Variants in BACH2 observed in about 807,000 individuals in gnomAD.
BACH2 encodes the protein transcription regulator protein BACH2.
In BACH2, 5 loss-of-function variants were observed where a neutral mutation model predicts 61.8. That is an observed-to-expected ratio of 0.08 (90% CI 0.04 to 0.17). BACH2 has a LOEUF of 0.17. BACH2 is among the 10% of genes least tolerant of loss of function. The pLI is 1.00. For missense variants in BACH2, 824 were observed against 1,091.1 expected, an observed-to-expected ratio of 0.76 and a Z score of 3.45; for synonymous variants, 446 against 440.1, an observed-to-expected ratio of 1.01 and a Z score of -0.17.
At chr6:90,194,375 T>G (rs772673456) in intron 4 of BACH2, among the ~76,000 whole-genome samples, 6 of 152,134 alleles carry the variant, frequency 3.9e-5, no homozygotes, top group Non-Finnish European at 5.9e-5. Context: ...CTATCTTCGG[T>G]AAGACTTAGA....
rs867275767 is a variant in BACH2 at position 90,017,169 on chromosome 6, G to A, written c.-12-8313C>T. On this transcript the variant is annotated intron_variant, in intron 5 of 8. Coordinates refer to ENST00000257749, the MANE Select transcript of BACH2 (RefSeq NM_021813.4). ...ATATTAGACCATCTGCATTTGTCCCGTCGCTCACAAATGCCCATTTTTTTT... is the reference window on the plus strand; with the variant it reads ...ATATTAGACCATCTGCATTTGTCCCATCGCTCACAAATGCCCATTTTTTTT... 7.2e-5 allele frequency among the ~76,000 whole-genome samples: 11 copies of A among 151,914 alleles called. No homozygotes were observed. The East Asian group carries it at 1.5e-3, about 21-fold the overall frequency.
At chr6:90,193,492 A>T (rs1768648732) in intron 4 of BACH2, among the ~76,000 whole-genome samples, 2 of 152,166 alleles carry the variant, frequency 1.3e-5, no homozygotes, top group South Asian at 4.1e-4. Context: ...TGACACCTTG[A>T]TCTTCGACTC....
intron 2 of BACH2, among the ~76,000 whole-genome samples, chr6:90,265,041 A>G (rs952574865): frequency 1.3e-5 from 2 of 152,342 alleles, no homozygotes; most frequent in Admixed American, 6.5e-5. Flanking sequence ...TATAGTCAGG[A>G]TATATTTGGT....
chr6:89,959,646 C>A (rs535079243), intron 6 of BACH2, among the ~76,000 whole-genome samples: 1 of 152,186 alleles, frequency 6.6e-6, no homozygotes, highest in Non-Finnish European at 1.5e-5. Flanking sequence ...AACTTAACTA[C>A]CTTAATACAA....
chr6:90,130,836 T>A (rs1189699854), intron 4 of BACH2, among the ~76,000 whole-genome samples: 2 of 152,290 alleles, frequency 1.3e-5, no homozygotes, highest in East Asian at 3.8e-4. Context: ...CTGGCCCTGT[T>A]TGTTGCTTTG....
chr6:90,026,693 C>T (rs971083995), intron 5 of BACH2, among the ~76,000 whole-genome samples: 7 of 152,128 alleles, frequency 4.6e-5, no homozygotes, highest in African/African-American at 1.4e-4. Context: ...GTTGCCTGCC[C>T]CAGCTCCTAA....
At chr6:90,013,625 G>A (rs796777844) in intron 5 of BACH2, among the ~76,000 whole-genome samples, 26 of 151,334 alleles carry the variant, frequency 1.7e-4, no homozygotes, top group African/African-American at 6.3e-4. Context: ...TCCTGCCTCA[G>A]CCTCCCAAGT....
chr6:89,977,429 T>C (rs1296437000), intron 6 of BACH2, among the ~76,000 whole-genome samples: 1 of 152,210 alleles, frequency 6.6e-6, no homozygotes, highest in Non-Finnish European at 1.5e-5. Flanking sequence ...CTGGTTCCAG[T>C]TCAGTGATTG....
At chr6:90,256,804 T>C (rs1055079356) in intron 2 of BACH2, among the ~76,000 whole-genome samples, 1 of 152,152 alleles carries the variant, frequency 6.6e-6, no homozygotes, top group African/African-American at 2.4e-5. Flanking sequence ...CCCATACCTA[T>C]AGTCTTCATA....
At chr6:89,973,404 T>C (rs1483479326) in intron 6 of BACH2, among the ~76,000 whole-genome samples, 2 of 152,302 alleles carry the variant, frequency 1.3e-5, no homozygotes, top group East Asian at 3.9e-4. Flanking sequence ...TCCATGATAA[T>C]TGTGGAGCAA....
intron 5 of BACH2, among the ~76,000 whole-genome samples, chr6:90,014,750 G>A (rs556724275): frequency 6.6e-6 from 1 of 151,436 alleles, no homozygotes; most frequent in East Asian, 1.9e-4. Flanking sequence ...TGGGATTACA[G>A]GCGTCAGCTA....
intron 6 of BACH2, among the ~76,000 whole-genome samples, chr6:89,964,255 G>A (rs1440543573): frequency 1.5e-5 from 2 of 129,680 alleles, no homozygotes; most frequent in African/African-American, 6.2e-5. Context: ...GAAACAGAAA[G>A]TGGAATGGCG....
At chr6:90,178,739 G>A (rs928699076) in intron 4 of BACH2, among the ~76,000 whole-genome samples, 37 of 152,304 alleles carry the variant, frequency 2.4e-4, no homozygotes, top group African/African-American at 8.9e-4. Flanking sequence ...TTTTATTTAA[G>A]GAGCTGTGCT....
chr6:89,983,663 C>T (rs1055996620), intron 6 of BACH2, among the ~76,000 whole-genome samples: 7 of 152,110 alleles, frequency 4.6e-5, no homozygotes, highest in Admixed American at 3.9e-4. Flanking sequence ...GAGTGAAACT[C>T]CGTCCAAAAA....
chr6:90,247,243 CTTCT>C (rs1314600075), intron 3 of BACH2, among the ~76,000 whole-genome samples: 1 of 150,642 alleles, frequency 6.6e-6, no homozygotes, highest in African/African-American at 2.4e-5. Context: ...CTTTCTTCTT[CTTCT>C]TTTTTTTTTT....
chr6:90,200,004 A>C (rs1768903143), intron 4 of BACH2, among the ~76,000 whole-genome samples: 1 of 152,150 alleles, frequency 6.6e-6, no homozygotes, highest in South Asian at 2.1e-4. Context: ...CAGACCCTAA[A>C]GAGCTTTTGT....
chr6:90,261,437 A>G (rs1771154434), intron 2 of BACH2, among the ~76,000 whole-genome samples: 1 of 152,170 alleles, frequency 6.6e-6, no homozygotes, highest in Non-Finnish European at 1.5e-5. Flanking sequence ...AAGCTCCTTG[A>G]AAGAGTAGTA....
chr6:90,286,024 A>T (rs931350875), intron 1 of BACH2, among the ~76,000 whole-genome samples: 2 of 152,244 alleles, frequency 1.3e-5, no homozygotes, highest in Non-Finnish European at 2.9e-5. Flanking sequence ...GTAACAACTA[A>T]TAATAATTAA....
Position 89,946,355 on chromosome 6 carries a change from G to A in BACH2, c.1836+3915C>T, listed in dbSNP as rs1449023827. On this transcript the variant is annotated intron_variant, in intron 7 of 8. Transcript: ENST00000257749. ...GTATGGGCAAGAATAGGGGAAATTGGACACTCTAAGTTGCTGATGAATATG... is the reference window on the plus strand; with the variant it reads ...GTATGGGCAAGAATAGGGGAAATTGAACACTCTAAGTTGCTGATGAATATG... 2.6e-5 allele frequency among the ~76,000 whole-genome samples: 4 copies of A among 152,178 alleles called. No individual in the cohort carries two copies. In the East Asian group the frequency reaches 7.7e-4, roughly 29 times the overall value.
Sources: allele counts gnomAD v4.1 joint callset (sites outside exome capture counted in the v4.1 genomes callset), GRCh38; gene constraint gnomAD v4.1.1; transcripts MANE v1.5; gene names NCBI Gene and HGNC (gene_info 2026-07-23, HGNC 2026-07-21).